UNC5D: variants seen among roughly 807,000 people sequenced by gnomAD.
UNC5D encodes unc-5 netrin receptor D.
UNC5D carries 39 observed loss-of-function variants against 105.4 expected under a neutral mutation model. The observed-to-expected ratio is 0.37, with a 90% confidence interval of 0.29 to 0.48. The LOEUF (loss-of-function observed/expected upper bound fraction) is 0.48, where lower values mean the gene tolerates loss of function less well. UNC5D is among the 20% of genes least tolerant of loss of function. The pLI is 0.98. For missense variants in UNC5D, 991 were observed against 1,202.4 expected (o/e 0.82, Z 2.60); for synonymous variants, 452 against 450.4 (o/e 1.00, Z -0.04).
At chr8:35,252,748 C>A (rs1803796709) in intron 1 of UNC5D, among the ~76,000 whole-genome samples, 2 of 152,120 alleles carry the variant, frequency 1.3e-5, no homozygotes, top group Admixed American at 6.6e-5. Context: ...ATGGTATACA[C>A]TTTCAAGTGT....
intron 1 of UNC5D, among the ~76,000 whole-genome samples, chr8:35,248,729 A>T (rs1322107422): frequency 2.0e-5 from 2 of 101,286 alleles, no homozygotes; most frequent in East Asian, 3.1e-4. Context: ...ATATATAAAA[A>T]TATATAATAT....
chr8:35,771,356 GTTTCATTGATAAGCCACGTC>G (rs1373671546), intron 15 of UNC5D, among the ~76,000 whole-genome samples: 2 of 152,094 alleles, frequency 1.3e-5, no homozygotes, highest in Non-Finnish European at 2.9e-5. Flanking sequence ...AATGTTTTCA[GTTTCATTGATAAGCCACGTC>G]TTTGGCATTG....
intron 1 of UNC5D, among the ~76,000 whole-genome samples, chr8:35,531,258 T>C (rs1213838441): frequency 1.1e-5 from 1 of 87,970 alleles, no homozygotes; most frequent in African/African-American, 5.0e-5. Context: ...TTTGTTCTCG[T>C]TGGTTTCAAA....
chr8:35,690,486 A>G (rs151139934), intron 7 of UNC5D, among the ~76,000 whole-genome samples: 1 of 152,172 alleles, frequency 6.6e-6, no homozygotes, highest in Admixed American at 6.5e-5. Context: ...AATTAAAAAA[A>G]TATAAGCCAG....
chr8:35,627,000 A>G (rs941762628), intron 4 of UNC5D, among the ~76,000 whole-genome samples: 1 of 152,196 alleles, frequency 6.6e-6, no homozygotes, highest in Non-Finnish European at 1.5e-5. Context: ...AGTACTGATA[A>G]CCTAGTAAAT....
chr8:35,727,714 G>A (rs1019334328), intron 10 of UNC5D: 27 of 152,040 alleles, frequency 1.8e-4, no homozygotes, highest in African/African-American at 6.5e-4. Flanking sequence ...AATCTTCATT[G>A]GTCAATGTTT....
At chr8:35,416,268 T>C (rs1805528969) in intron 1 of UNC5D, among the ~76,000 whole-genome samples, 4 of 152,036 alleles carry the variant, frequency 2.6e-5, no homozygotes, top group Admixed American at 2.0e-4. Context: ...ATTTTTTGAT[T>C]GATTGCTAAC....
chr8:35,668,317 T>G (rs533364441), intron 4 of UNC5D, among the ~76,000 whole-genome samples: 1 of 152,106 alleles, frequency 6.6e-6, no homozygotes, highest in African/African-American at 2.4e-5. Context: ...TACATACTGG[T>G]TCAACATACT....
At chr8:35,755,291 G>A (rs1181260979) in intron 13 of UNC5D, among the ~76,000 whole-genome samples, 3 of 151,768 alleles carry the variant, frequency 2.0e-5, no homozygotes, top group Non-Finnish European at 4.4e-5. Flanking sequence ...TTTTGCCATT[G>A]CTCCCAGCAC....
At chr8:35,554,447 G>A (rs140458489) in intron 2 of UNC5D, among the ~76,000 whole-genome samples, 4 of 152,268 alleles carry the variant, frequency 2.6e-5, no homozygotes, top group Non-Finnish European at 5.9e-5. Context: ...ATGGGAACTC[G>A]TCTTCCTTGT....
At chr8:35,365,813 G>A (rs984266231) in intron 1 of UNC5D, among the ~76,000 whole-genome samples, 2 of 152,030 alleles carry the variant, frequency 1.3e-5, no homozygotes, top group African/African-American at 4.8e-5. Flanking sequence ...TCTAGTGAAT[G>A]CTTTGAGTGC....
intron 1 of UNC5D, among the ~76,000 whole-genome samples, chr8:35,317,681 C>T (rs1209137200): frequency 6.6e-6 from 1 of 151,932 alleles, no homozygotes; most frequent in Admixed American, 6.6e-5. Flanking sequence ...GATTGTTTAG[C>T]GAACTCAGAG....
intron 1 of UNC5D, among the ~76,000 whole-genome samples, chr8:35,284,272 A>C (rs1806419640): frequency 6.6e-6 from 1 of 152,218 alleles, no homozygotes; most frequent in South Asian, 2.1e-4. Context: ...TATTTCTTTG[A>C]AACATAGAGG....
intron 4 of UNC5D, among the ~76,000 whole-genome samples, chr8:35,625,054 G>C (rs1821622142): frequency 6.6e-6 from 1 of 152,120 alleles, no homozygotes; most frequent in African/African-American, 2.4e-5. Context: ...GAACTTCAGC[G>C]ACCTGGTAGT....
Position 35,405,207 on chromosome 8 carries a change from T to C in UNC5D, c.104-144085T>C, listed in dbSNP as rs536102177. ...ATAGTGGTAGCTGCATGCACCCAGATAATGGGGAAAGGAGGAGCAACGAGA... is the reference window on the plus strand; with the variant it reads ...ATAGTGGTAGCTGCATGCACCCAGACAATGGGGAAAGGAGGAGCAACGAGA... On this transcript the variant is annotated intron_variant, in intron 1 of 16. Coordinates refer to ENST00000404895, the MANE Select transcript of UNC5D (RefSeq NM_080872.4). Among the ~76,000 whole-genome samples, 7 of 152,182 alleles carry C rather than the reference T, an allele frequency of 4.6e-5. No individual in the cohort carries two copies. In the East Asian group the frequency reaches 1.4e-3, roughly 29 times the overall value.
At chr8:35,310,930 T>C (rs765858431) in intron 1 of UNC5D, among the ~76,000 whole-genome samples, 1 of 152,146 alleles carries the variant, frequency 6.6e-6, no homozygotes, top group African/African-American at 2.4e-5. Context: ...AAGTAAGACA[T>C]AGTTAGCTTT....
At chr8:35,772,060 A>T (rs1802033763) in intron 15 of UNC5D, among the ~76,000 whole-genome samples, 1 of 152,212 alleles carries the variant, frequency 6.6e-6, no homozygotes, top group African/African-American at 2.4e-5. Context: ...TTATATAAAT[A>T]CTGGAATAGT....
At chr8:35,684,541 C>T in intron 5 of UNC5D, 41 bp from the exon 6 acceptor site, 1 of 1,596,710 alleles carries the variant, frequency 6.3e-7, no homozygotes, top group East Asian at 2.2e-5. Context: ...CAGTAAAAAC[C>T]TCTCTCCTTT....
intron 1 of UNC5D, among the ~76,000 whole-genome samples, chr8:35,347,484 T>C (rs1811889068): frequency 6.6e-6 from 1 of 151,984 alleles, no homozygotes; most frequent in African/African-American, 2.4e-5. Context: ...GAGATGAGAG[T>C]TCCCCTCGGA....
Sources: allele counts gnomAD v4.1 joint callset (sites outside exome capture counted in the v4.1 genomes callset), GRCh38; gene constraint gnomAD v4.1.1; transcripts MANE v1.5; gene names NCBI Gene and HGNC (gene_info 2026-07-23, HGNC 2026-07-21).